IGFL2: variants seen among roughly 807,000 people sequenced by gnomAD.
IGFL2 encodes the protein IGF like family member 2, also known as insulin growth factor-like family member 2.
A neutral mutation model predicts 13.9 loss-of-function variants in IGFL2; 7 were observed. The observed-to-expected ratio is 0.51, with a 90% CI of 0.29 to 0.95. The LOEUF (loss-of-function observed/expected upper bound fraction) is 0.95. Among genes scored for constraint, IGFL2 ranks in the 40% least tolerant of loss-of-function variants. The pLI is 0.08. For synonymous variants in IGFL2, 55 were observed against 55.8 expected (o/e 0.99, Z 0.07); for missense variants, 138 against 147.8 (o/e 0.93, Z 0.34).
chr19:46,203,841 C>G, the IGFL2 span, among the ~76,000 whole-genome samples: 1 of 152,122 alleles, frequency 6.6e-6, no homozygotes, highest in Non-Finnish European at 1.5e-5. Flanking sequence ...CTCAGCCTCC[C>G]GAGTAGCTGG....
chr19:46,163,370 G>C (rs796353968), downstream of IGFL2, among the ~76,000 whole-genome samples: 9 of 152,274 alleles, frequency 5.9e-5, no homozygotes, highest in African/African-American at 1.7e-4. Context: ...GTCTCCTGGG[G>C]GCTCCATTCC....
At chr19:46,124,226 C>T in the IGFL2 span, 46 of 1,609,046 alleles carry the variant, frequency 2.9e-5, 3 homozygotes, top group African/African-American at 5.7e-4. Context: ...CTTTTCCCAA[C>T]ACCACCTCTT....
At chr19:46,122,606 T>G in the IGFL2 span, among the ~76,000 whole-genome samples, 1 of 151,078 alleles carries the variant, frequency 6.6e-6, no homozygotes, top group Non-Finnish European at 1.5e-5. Context: ...ATAAAGAACA[T>G]CCAAGGCCTG....
the IGFL2 span, among the ~76,000 whole-genome samples, chr19:46,193,132 C>CA: frequency 6.6e-6 from 1 of 152,108 alleles, no homozygotes; most frequent in African/African-American, 2.4e-5. Context: ...GTGGAAGTTG[C>CA]AGTGAGCCAA....
At chr19:46,176,575 A>G in the IGFL2 span, among the ~76,000 whole-genome samples, 1 of 152,208 alleles carries the variant, frequency 6.6e-6, no homozygotes, top group Non-Finnish European at 1.5e-5. Flanking sequence ...TGCTGCAGAA[A>G]GGGAGCCCTC....
At chr19:46,153,402 AT>A (rs1973618811) in intron 1 of IGFL2, among the ~76,000 whole-genome samples, 1 of 151,920 alleles carries the variant, frequency 6.6e-6, no homozygotes, top group Admixed American at 6.6e-5. Context: ...TGTGGTTTTG[AT>A]TTGCATTTCC....
At chr19:46,109,973 CACTA>C in the IGFL2 span, among the ~76,000 whole-genome samples, 1 of 152,204 alleles carries the variant, frequency 6.6e-6, no homozygotes, top group Non-Finnish European at 1.5e-5. Context: ...AGAGGCCTGA[CACTA>C]ATAACTGTAA....
the IGFL2 span, among the ~76,000 whole-genome samples, chr19:46,193,442 G>A: frequency 4.6e-5 from 7 of 152,112 alleles, no homozygotes; most frequent in Non-Finnish European, 8.8e-5. Flanking sequence ...TTTCTTTATC[G>A]TAAAATAAAA....
At chr19:46,123,829 C>T in the IGFL2 span, 11 of 1,536,330 alleles carry the variant, frequency 7.2e-6, no homozygotes, top group South Asian at 1.3e-5. Context: ...TTCAAGCCCT[C>T]TGTATCCCTC....
chr19:46,103,544 C>T, the IGFL2 span, among the ~76,000 whole-genome samples: 2 of 152,036 alleles, frequency 1.3e-5, no homozygotes, highest in Non-Finnish European at 2.9e-5. Context: ...TCAAGAGTGG[C>T]GGATTGGGGA....
chr19:46,143,905 T>C (rs751918997), upstream of IGFL2, among the ~76,000 whole-genome samples: 1 of 152,196 alleles, frequency 6.6e-6, no homozygotes, highest in Non-Finnish European at 1.5e-5. Context: ...GCCTCTGTTA[T>C]TTGTTGAATG....
chr19:46,137,414 T>C, the IGFL2 span: 2 of 1,040,684 alleles, frequency 1.9e-6, no homozygotes, highest in South Asian at 1.3e-5. Flanking sequence ...TTTTTCTTGC[T>C]CGGAAGGATG....
chr19:46,193,340 A>C, the IGFL2 span, among the ~76,000 whole-genome samples: 3 of 152,186 alleles, frequency 2.0e-5, no homozygotes, highest in African/African-American at 7.2e-5. Context: ...GACACTGTAG[A>C]TGCTACCGGC....
At chr19:46,165,696 C>T (rs180772730), downstream of IGFL2, among the ~76,000 whole-genome samples, 19 of 152,326 alleles carry the variant, frequency 1.2e-4, no homozygotes, top group Admixed American at 9.8e-4. Flanking sequence ...TGGCTTGTCA[C>T]GAGGCAATGC....
chr19:46,194,185 A>G, the IGFL2 span, among the ~76,000 whole-genome samples: 7 of 152,150 alleles, frequency 4.6e-5, no homozygotes, highest in East Asian at 3.9e-4. Flanking sequence ...GAAAGCAGCT[A>G]TGTCTCTGGT....
At chr19:46,177,193 G>A in the IGFL2 span, among the ~76,000 whole-genome samples, 37 of 151,850 alleles carry the variant, frequency 2.4e-4, no homozygotes, top group Non-Finnish European at 3.4e-4. Flanking sequence ...GGTGGAGTTC[G>A]AGACCAGCCT....
chr19:46,175,547 AT>A, the IGFL2 span, among the ~76,000 whole-genome samples: 2,253 of 147,874 alleles, frequency 0.015, 62 homozygotes, highest in African/African-American at 0.052. Context: ...ACTTTGTGCA[AT>A]TTTTTTTTTT....
chr19:46,134,845 T>C, the IGFL2 span, among the ~76,000 whole-genome samples: 752 of 152,240 alleles, frequency 4.9e-3, 4 homozygotes, highest in African/African-American at 0.017. Context: ...CCATGGCCTG[T>C]GGGTTGGGGA....
the IGFL2 span, among the ~76,000 whole-genome samples, chr19:46,196,667 C>T: frequency 3.2e-4 from 48 of 152,322 alleles, no homozygotes; most frequent in Middle Eastern, 0.024. Context: ...GAGAGTCCTG[C>T]CTGCACTCCC....
Sources: gnomAD v4.1 joint callset for allele counts (sites outside exome capture counted in the v4.1 genomes callset) on GRCh38, gnomAD v4.1.1 for gene constraint, MANE v1.5 for transcripts, NCBI Gene and HGNC (gene_info 2026-07-23, HGNC 2026-07-21) for gene names.